DKKL1: variants seen among roughly 807,000 people sequenced by gnomAD.
The protein encoded by DKKL1 is dickkopf like acrosomal protein 1.
In DKKL1, 11 loss-of-function variants were observed where a neutral mutation model predicts 16.5. The observed-to-expected ratio is 0.67, with a 90% CI of 0.42 to 1.10. The LOEUF (loss-of-function observed/expected upper bound fraction) is 1.10, where lower values mean the gene tolerates loss of function less well. Among genes scored for constraint, DKKL1 ranks in the 50% least tolerant of loss-of-function variants. The pLI, the probability that DKKL1 is intolerant of heterozygous loss-of-function variation, is 0.00. For synonymous variants in DKKL1, 119 were observed against 133.2 expected (o/e 0.89, Z 0.73); for missense variants, 320 against 308.1 (o/e 1.04, Z -0.29).
At chr19:49,362,919 G>GTTGTTGTTTTT (rs1568588572), upstream of DKKL1, among the ~76,000 whole-genome samples, 2 of 130,258 alleles carry the variant, frequency 1.5e-5, no homozygotes, top group Non-Finnish European at 3.1e-5. Flanking sequence ...TGGTTTTTTT[G>GTTGTTGTTTTT]TTTTTTGTTT....
intron 4 of DKKL1, 51 bp downstream of exon 4, chr19:49,365,936 TTTC>T (rs1384891547): frequency 6.4e-7 from 1 of 1,557,206 alleles, no homozygotes; most frequent in Non-Finnish European, 8.8e-7. Context: ...ATTTTCTTTT[TTTC>T]TTTTTTAAAG....
intron 4 of DKKL1, among the ~76,000 whole-genome samples, chr19:49,373,928 ACACT>A (rs1317325169): frequency 1.3e-5 from 2 of 151,796 alleles, no homozygotes; most frequent in Non-Finnish European, 2.9e-5. Context: ...GACCAAACAG[ACACT>A]CAGTCCATAT....
intron 2 of DKKL1, 141 bp from the exon 3 acceptor site, chr19:49,365,368 C>CT: frequency 9.9e-7 from 1 of 1,008,646 alleles, no homozygotes; most frequent in Non-Finnish European, 1.4e-6. Context: ...AGGTTAGGCC[C>CT]TAAGTATCAG....
At chr19:49,367,064 T>C (rs1490817109) in intron 4 of DKKL1, among the ~76,000 whole-genome samples, 2 of 151,924 alleles carry the variant, frequency 1.3e-5, no homozygotes, top group African/African-American at 2.4e-5. Flanking sequence ...TTTCGCTCTG[T>C]TGCCCAGGCT....
upstream of DKKL1, among the ~76,000 whole-genome samples, chr19:49,362,095 G>A (rs1274297825): frequency 6.6e-6 from 1 of 152,104 alleles, no homozygotes; most frequent in Admixed American, 6.5e-5. Flanking sequence ...CGCCGCAGAC[G>A]CACGCCCCAC....
Position 49,363,899 on chromosome 19 carries a change from C to T in DKKL1, c.-100C>T. The T allele has an allele frequency of 6.6e-7, 1 of 1,523,190 alleles. No homozygotes were observed. The highest frequency in any genetic ancestry group is 1.2e-5 in the South Asian group (1 of 84,374). 94.4% of individuals were successfully genotyped at this position (1,523,190 alleles called of 1,614,324 possible). On this transcript the variant is annotated 5_prime_UTR_variant, in exon 1 of 5. Transcript: ENST00000221498. ...ACCAGACCTGGGCTCGAGACCATAA[C>T]TGTTTGGCTTTAACAGTACGTGGGC... is the stretch of plus-strand genomic sequence containing the variant.
intron 4 of DKKL1, among the ~76,000 whole-genome samples, chr19:49,372,233 T>A (rs1973519803): frequency 6.6e-6 from 1 of 152,178 alleles, no homozygotes; most frequent in Admixed American, 6.6e-5. Context: ...CTGTAGGATA[T>A]TTGATAACAT....
At chr19:49,364,337 G>A (rs1390097517) in intron 1 of DKKL1, among the ~76,000 whole-genome samples, 1 of 138,912 alleles carries the variant, frequency 7.2e-6, no homozygotes, top group Non-Finnish European at 1.5e-5. Flanking sequence ...GGACTACAGA[G>A]TCTCGGTCTC....
chr19:49,361,579 G>A (rs893731860), upstream of DKKL1: 2 of 152,112 alleles, frequency 1.3e-5, no homozygotes, highest in African/African-American at 2.4e-5. Flanking sequence ...CGGCCAGGGC[G>A]ACTCCCCTCC....
At chr19:49,363,722 G>T, upstream of DKKL1, 4 of 536,364 alleles carry the variant, frequency 7.5e-6, no homozygotes, top group South Asian at 7.7e-5. Context: ...TGGCTTAAGG[G>T]GTGTGGTGAA....
chr19:49,373,316 A>G (rs1281061284), intron 4 of DKKL1, among the ~76,000 whole-genome samples: 1 of 152,160 alleles, frequency 6.6e-6, no homozygotes, highest in East Asian at 1.9e-4. Context: ...AAAAAAAAAA[A>G]AAGAACACAG....
chr19:49,362,911 GTTTTTTTGTTTTTTGTTTTTTTTGT>G (rs1973052608), upstream of DKKL1, among the ~76,000 whole-genome samples: 1 of 136,996 alleles, frequency 7.3e-6, no homozygotes, highest in Admixed American at 7.1e-5. Flanking sequence ...TTGGTTTTTG[GTTTTTTTGTTTTTTGTTTTTTTTGT>G]TTTTTTTTTT....
Position 49,365,506 on chromosome 19 carries a change from C to T in DKKL1, c.184-3C>T. ...AGCTCACCAGTCCCTCCTCCGGCCC[C>T]AGGGTAACCTGCTTCGGGGCATAGA... is the stretch of plus-strand genomic sequence containing the variant. On this transcript the variant is annotated splice_polypyrimidine_tract_variant and splice_region_variant and intron_variant, in intron 2 of 4. Coordinates refer to ENST00000221498, the MANE Select transcript of DKKL1 (RefSeq NM_014419.4). 1.9e-6 allele frequency: 3 copies of T among 1,595,970 alleles called. No individual in the cohort carries two copies. Among genetic ancestry groups the T allele is most frequent in the Non-Finnish European group, 2.6e-6 (3 of 1,169,126 alleles).
upstream of DKKL1, chr19:49,363,686 G>T: frequency 4.5e-6 from 2 of 443,248 alleles, no homozygotes; most frequent in Admixed American, 3.5e-5. Context: ...CTGTGTGGGC[G>T]TGGCCAGGGA....
chr19:49,375,063 C>CA lies in DKKL1; in HGVS notation c.*36dup. The CA allele has an allele frequency of 6.4e-7, 1 of 1,557,882 alleles. No individual in the cohort carries two copies. The highest frequency in any genetic ancestry group is 1.2e-5 in the South Asian group (1 of 82,476). On this transcript the variant is annotated 3_prime_UTR_variant, in exon 5 of 5. Coordinates refer to ENST00000221498, the MANE Select transcript of DKKL1 (RefSeq NM_014419.4). ...CCGGGGAGCACCTGCCTGTAGCCCC[C>CA]ATCAGACCCTGCCCCAAGCACCATA...
chr19:49,363,850 C>A, upstream of DKKL1: 1 of 1,163,264 alleles, frequency 8.6e-7, no homozygotes, highest in South Asian at 1.5e-5. Context: ...GGCTACGGCT[C>A]GCGGAGCGCA....
upstream of DKKL1, chr19:49,361,882 CCAGA>C (rs994188105): frequency 3.9e-5 from 6 of 152,836 alleles, no homozygotes; most frequent in South Asian, 2.1e-4. Flanking sequence ...CCCCATGTGG[CCAGA>C]CAAAGGGACG....
At chr19:49,363,790 C>A, upstream of DKKL1, 1 of 668,602 alleles carries the variant, frequency 1.5e-6, no homozygotes, top group Non-Finnish European at 2.7e-6. Context: ...GAGGCCCGGG[C>A]TCCTGGGTGA....
upstream of DKKL1, chr19:49,361,789 C>G (rs1029483905): frequency 6.7e-6 from 1 of 148,596 alleles, no homozygotes; most frequent in South Asian, 2.1e-4. Context: ...TCCCGCCGAC[C>G]ATAGCAGACA....
Sources: allele counts gnomAD v4.1 joint callset (sites outside exome capture counted in the v4.1 genomes callset), GRCh38; gene constraint gnomAD v4.1.1; transcripts MANE v1.5; gene names NCBI Gene and HGNC (gene_info 2026-07-23, HGNC 2026-07-21).